Variants in CDHR2 observed in about 807,000 individuals in gnomAD.
The protein encoded by CDHR2 is cadherin-related family member 2.
Under a neutral mutation model 138.6 loss-of-function variants are expected in CDHR2, and 104 were observed. The observed-to-expected ratio is 0.75, with a 90% CI of 0.64 to 0.88. CDHR2 has a LOEUF of 0.88. Among genes scored for constraint, CDHR2 ranks in the 40% least tolerant of loss-of-function variants. CDHR2 has a pLI of 0.00. For missense variants in CDHR2, 1,624 were observed against 1,727.6 expected (o/e 0.94, Z 1.06); for synonymous variants, 755 against 742.8 (o/e 1.02, Z -0.27).
rs571330787 is a variant in CDHR2 at position 176,571,236 on chromosome 5, T to A, written c.339T>A (p.Ile113=). The change falls in exon 6 of 32, where the codon ATT becomes ATA. Residue 113 remains isoleucine, a synonymous_variant. Transcript: ENST00000261944. ...AGGTGCAGAGGGAGATGCTGGTGAT[T>A]GTGGAAGATAGAAACGACAACGCAC... The part of the protein sequence containing the change: ...YIQVQREMLV[I]VEDRNDNAPV... 26 of 1,612,814 alleles carry A rather than the reference T, an allele frequency of 1.6e-5. No individual in the cohort carries two copies. In the South Asian group the frequency reaches 2.8e-4, roughly 17 times the overall value.
rs766529131 is a variant in CDHR2 at position 176,590,159 on chromosome 5, A to G, written c.3275+13A>G. The G allele has an allele frequency of 6.2e-6, 10 of 1,611,412 alleles. No homozygotes were observed. In the South Asian group the frequency reaches 1.1e-4, roughly 18 times the overall value. On this transcript the variant is annotated intron_variant, in intron 25 of 31. Coordinates refer to ENST00000261944, the MANE Select transcript of CDHR2 (RefSeq NM_017675.6). ...ATTCTGCAGCTCGGTGAGTGCCCAG[A>G]GGCCTGGGGGTGGGGTTGAGGGGGA...
At chr5:176,592,609 G>A in intron 30 of CDHR2, 114 bp from the exon 31 acceptor site, 1 of 807,384 alleles carries the variant, frequency 1.2e-6, no homozygotes, top group Non-Finnish European at 2.2e-6. Context: ...TGGTGATGGT[G>A]ATGATGGTGG....
intron 31 of CDHR2, among the ~76,000 whole-genome samples, chr5:176,594,834 C>T (rs550396539): frequency 5.1e-4 from 78 of 151,992 alleles, no homozygotes; most frequent in Admixed American, 8.5e-4. Flanking sequence ...GGCTGTTCCA[C>T]AGGAGGGTGT....
chr5:176,559,922 C>T (rs1012290801), intron 1 of CDHR2, among the ~76,000 whole-genome samples: 5 of 152,044 alleles, frequency 3.3e-5, no homozygotes, highest in Non-Finnish European at 7.4e-5. Context: ...ATATCGGCTT[C>T]GTATGTGAGA....
intron 6 of CDHR2, among the ~76,000 whole-genome samples, chr5:176,572,214 T>C (rs1758252311): frequency 7.4e-6 from 1 of 134,320 alleles, no homozygotes; most frequent in Admixed American, 7.3e-5. Flanking sequence ...AGAAACCCCG[T>C]CTCTACTGAA....
At chr5:176,581,610 C>G (rs777166653) in intron 17 of CDHR2, 28 bp downstream of exon 17, 1 of 1,599,108 alleles carries the variant, frequency 6.3e-7, no homozygotes, top group South Asian at 1.1e-5. Flanking sequence ...CAGGATGGGC[C>G]TGGGGGCCTC....
intron 31 of CDHR2, among the ~76,000 whole-genome samples, chr5:176,593,591 G>A (rs1460046144): frequency 1.3e-5 from 2 of 152,198 alleles, no homozygotes; most frequent in African/African-American, 2.4e-5. Context: ...TGGAGGAGAC[G>A]CTTAAGGCCC....
intron 17 of CDHR2, among the ~76,000 whole-genome samples, chr5:176,583,415 T>C (rs190417417): frequency 1.3e-5 from 2 of 152,224 alleles, no homozygotes; most frequent in Admixed American, 1.3e-4. Flanking sequence ...GGTGCAAGAA[T>C]GTTGTCTTCC....
chr5:176,575,110 G>A lies in CDHR2; in HGVS notation c.522G>A (p.Glu174=). Residue 174 remains glutamate (E), a synonymous_variant, in exon 8 of 32, where the codon GAG becomes GAA. Coordinates refer to ENST00000261944, the MANE Select transcript of CDHR2 (RefSeq NM_017675.6). ...EKVIPSTGDS[E]HLFRILANGS... ...TCATCCCTAGCACTGGGGACAGCGAGCATCTCTTCCGGATCCTGGCCAATG... is the reference window on the plus strand; with the variant it reads ...TCATCCCTAGCACTGGGGACAGCGAACATCTCTTCCGGATCCTGGCCAATG... The A allele has an allele frequency of 1.2e-6, 2 of 1,614,172 alleles. No homozygotes were observed. Among genetic ancestry groups the A allele is most frequent in the East Asian group, 2.2e-5 (1 of 44,886 alleles).
intron 1 of CDHR2, among the ~76,000 whole-genome samples, chr5:176,550,454 C>G (rs951530014): frequency 6.6e-6 from 1 of 152,182 alleles, no homozygotes; most frequent in African/African-American, 2.4e-5. Context: ...TCTGTGGGTG[C>G]AGGCACGGCC....
At chr5:176,574,396 C>T (rs1400242034) in intron 7 of CDHR2, among the ~76,000 whole-genome samples, 8 of 152,170 alleles carry the variant, frequency 5.3e-5, no homozygotes, top group South Asian at 4.1e-4. Context: ...TCTTCCTGCC[C>T]GCCTGCTCCC....
chr5:176,573,142 C>T (rs1758274612), intron 6 of CDHR2, among the ~76,000 whole-genome samples: 1 of 152,004 alleles, frequency 6.6e-6, no homozygotes, highest in African/African-American at 2.4e-5. Flanking sequence ...GGTGCAAAGC[C>T]CTGAGGCAGG....
rs1010126541 is a variant in CDHR2, at chr5:176,593,881, G to C, written c.3792+1101G>C. On this transcript the variant is annotated intron_variant, in intron 31 of 31. Transcript: ENST00000261944. ...CACAGAGGCCTCCGGACAGGCCCCA[G>C]GTATGGTTGTGTGGGTGGTAATGCA... Among the ~76,000 whole-genome samples the C allele has an allele frequency of 3.9e-5, 6 of 152,338 alleles. No homozygotes were observed. In the East Asian group the frequency reaches 7.7e-4, roughly 20 times the overall value.
chr5:176,595,496 C>G, intron 31 of CDHR2, 36 bp from the exon 32 acceptor site: 1 of 1,549,166 alleles, frequency 6.5e-7, no homozygotes, highest in South Asian at 1.2e-5. Context: ...CCCCACCTTG[C>G]CTTGCCCTTC....
At chr5:176,551,249 C>A (rs899951444) in intron 1 of CDHR2, among the ~76,000 whole-genome samples, 1 of 152,124 alleles carries the variant, frequency 6.6e-6, no homozygotes, top group Admixed American at 6.5e-5. Flanking sequence ...TTCACCACAA[C>A]CTCTGCCTCC....
At chr5:176,579,865 C>T (rs1758485039) in intron 16 of CDHR2, among the ~76,000 whole-genome samples, 1 of 152,156 alleles carries the variant, frequency 6.6e-6, no homozygotes, top group Non-Finnish European at 1.5e-5. Context: ...TCCTGCCCCC[C>T]AGGCGGCTCC....
Position 176,591,277 on chromosome 5 carries a change from C to T in CDHR2, c.3607C>T (p.Pro1203Ser). 1.2e-6 allele frequency: 2 copies of T among 1,613,966 alleles called. No homozygotes were observed. The highest frequency in any genetic ancestry group is 1.7e-6 in the Non-Finnish European group (2 of 1,179,916). ...CAGGAAGACAGCAGCAGGGGTGATG[C>T]CCTCAGCCCCTGCCATCCCAGGGAC... ...EARKTAAGVM[P>S]SAPAIPGTNM... The change falls in exon 29 of 32, where the codon CCC (proline) becomes TCC (serine). Residue 1203 changes from proline to serine, a missense_variant. By Grantham distance (74) the Pro-to-Ser change is moderately conservative (BLOSUM62 -1). Around this residue, in one of 3 missense-constraint regions of CDHR2, gnomAD observed 556 missense variants for 565.7 expected, o/e 0.98. Coordinates refer to ENST00000261944, the MANE Select transcript of CDHR2 (RefSeq NM_017675.6).
At chr5:176,588,318 G>A (rs1758719607) in intron 21 of CDHR2, among the ~76,000 whole-genome samples, 1 of 152,022 alleles carries the variant, frequency 6.6e-6, no homozygotes, top group African/African-American at 2.4e-5. Flanking sequence ...GGGTGTGTAT[G>A]TGTGTGACTG....
rs150379281 is a variant in CDHR2, at chr5:176,578,446, C to T, written c.1656C>T (p.Ala552=). ...AGCTGCTGGACCGGGAGAGCCAGGC[C>T]GTGTACTACCTGACGCTGCAGGCCA... is the stretch of plus-strand genomic sequence containing the variant. ...NGELLDRESQ[A]VYYLTLQATD... The change falls in exon 16 of 32, where the codon GCC becomes GCT. Residue 552 remains alanine, a synonymous_variant. Transcript: ENST00000261944. 1.3e-5 allele frequency: 21 copies of T among 1,613,784 alleles called. No homozygotes were observed. Among genetic ancestry groups the T allele is most frequent in the Non-Finnish European group, 1.7e-5 (20 of 1,179,862 alleles).
Sources: gnomAD v4.1 joint callset for allele counts (sites outside exome capture counted in the v4.1 genomes callset) on GRCh38, gnomAD v4.1.1 for gene constraint, gnomAD v4.1.1 regional missense constraint, MANE v1.5 for transcripts, NCBI Gene and HGNC (gene_info 2026-07-23, HGNC 2026-07-21) for gene names.